Variants in ST8SIA5 observed in about 807,000 individuals in gnomAD.
ST8SIA5 encodes ST8 alpha-N-acetyl-neuraminide alpha-2,8-sialyltransferase 5.
In ST8SIA5, 24 loss-of-function variants were observed where a neutral mutation model predicts 40.2. The observed-to-expected ratio is 0.60, with a 90% CI of 0.43 to 0.84. ST8SIA5 has a LOEUF of 0.84. ST8SIA5 is among the 40% of genes least tolerant of loss of function. ST8SIA5 has a pLI of 0.00. For missense variants in ST8SIA5, 465 were observed against 498.5 expected (o/e 0.93, Z 0.64); for synonymous variants, 198 against 201.8 (o/e 0.98, Z 0.16).
Position 46,710,399 on chromosome 18 carries a change from C to CTGTCTT in ST8SIA5, c.132-5736_132-5735insAAGACA, listed in dbSNP as rs1314985981. The stretch of plus-strand genomic sequence containing the variant: ...TCTTTCTTTCTTTCTTTCTTTCTTT[C>CTGTCTT]TTTCTTTCTTTCTTTCTTTTTCTTT... On this transcript the variant is annotated intron_variant, in intron 1 of 6. Transcript: ENST00000315087. 1.4e-4 allele frequency among the ~76,000 whole-genome samples: 20 copies of CTGTCTT among 141,860 alleles called. No homozygotes were observed. In the East Asian group the frequency reaches 2.1e-3, roughly 15 times the overall value. The allele number at this position is 141,860 out of a possible 152,430, so 93.1% of individuals were successfully genotyped here.
In ST8SIA5 at chr18:46,680,025, A is replaced by G; in HGVS notation, c.*17T>C. The G allele has an allele frequency of 6.3e-7, 1 of 1,587,302 alleles. No individual in the cohort carries two copies. Among genetic ancestry groups the G allele is most frequent in the Non-Finnish European group, 8.6e-7 (1 of 1,165,038 alleles). The stretch of plus-strand genomic sequence containing the variant: ...GGAGAGGGGGCGCCGCTTGCCGGGC[A>G]GCCTGGCTGGCAGCCATCAGCAGCA... On this transcript the variant is annotated 3_prime_UTR_variant, in exon 7 of 7. Transcript: ENST00000315087.
chr18:46,709,211 G>C (rs1319253942), intron 1 of ST8SIA5, among the ~76,000 whole-genome samples: 1 of 152,208 alleles, frequency 6.6e-6, no homozygotes, highest in East Asian at 1.9e-4. Flanking sequence ...GAGGTAATTA[G>C]GTTATGAGGT....
At chr18:46,739,175 G>A (rs1360577316) in intron 1 of ST8SIA5, among the ~76,000 whole-genome samples, 1 of 152,208 alleles carries the variant, frequency 6.6e-6, no homozygotes, top group African/African-American at 2.4e-5. Context: ...CTGAAAGACA[G>A]CTGGGAGGGG....
rs578213997 is a variant in ST8SIA5 at position 46,721,822 on chromosome 18, G to A, written c.132-17158C>T. ...CTGCCTCCAGTTAAACCAAAAGAGC[G>A]CCAGCACCACATTTTGTCCTCCTCA... On this transcript the variant is annotated intron_variant, in intron 1 of 6. Transcript: ENST00000315087. Among the ~76,000 whole-genome samples, 7 of 152,260 alleles carry A rather than the reference G, an allele frequency of 4.6e-5. No homozygotes were observed. The East Asian group carries it at 7.7e-4, about 17-fold the overall frequency.
chr18:46,696,053 G>A (rs2039554145), intron 2 of ST8SIA5, among the ~76,000 whole-genome samples: 1 of 152,238 alleles, frequency 6.6e-6, no homozygotes. Context: ...GATCAGGGAA[G>A]GCTTTCCTGA....
intron 1 of ST8SIA5, among the ~76,000 whole-genome samples, chr18:46,711,851 C>A (rs2039736047): frequency 6.6e-6 from 1 of 152,226 alleles, no homozygotes; most frequent in African/African-American, 2.4e-5. Flanking sequence ...ACTTCACCTG[C>A]CCTCTTTGGG....
intron 1 of ST8SIA5, among the ~76,000 whole-genome samples, chr18:46,726,356 T>C (rs886997087): frequency 8.6e-5 from 13 of 151,992 alleles, no homozygotes; most frequent in Non-Finnish European, 1.5e-4. Context: ...GTTTCCAAAA[T>C]GCTCACCATA....
chr18:46,720,598 T>C (rs2039852144), intron 1 of ST8SIA5, among the ~76,000 whole-genome samples: 1 of 152,162 alleles, frequency 6.6e-6, no homozygotes, highest in Non-Finnish European at 1.5e-5. Flanking sequence ...CAAGCCTCTC[T>C]CTCAGGGAAA....
intron 2 of ST8SIA5, among the ~76,000 whole-genome samples, chr18:46,697,352 C>G (rs911710259): frequency 1.3e-5 from 2 of 151,956 alleles, no homozygotes; most frequent in Non-Finnish European, 2.9e-5. Context: ...AGGAACAAAA[C>G]AGAACTTAAA....
intron 1 of ST8SIA5, among the ~76,000 whole-genome samples, chr18:46,744,172 C>A (rs1382129325): frequency 1.3e-5 from 2 of 152,184 alleles, no homozygotes; most frequent in Non-Finnish European, 2.9e-5. Context: ...GGCAAAATAA[C>A]CACCTAACAT....
At chr18:46,724,526 T>G (rs190771246) in intron 1 of ST8SIA5, among the ~76,000 whole-genome samples, 25 of 152,382 alleles carry the variant, frequency 1.6e-4, no homozygotes, top group Admixed American at 6.5e-4. Context: ...ATTTATTTAT[T>G]GAAGTGGTTG....
chr18:46,718,573 G>C (rs2039818470), intron 1 of ST8SIA5, among the ~76,000 whole-genome samples: 1 of 151,994 alleles, frequency 6.6e-6, no homozygotes, highest in East Asian at 1.9e-4. Context: ...TTGTAGTGCT[G>C]TTTGGAGTTT....
Position 46,686,234 on chromosome 18 carries a change from C to T in ST8SIA5, c.509G>A (p.Gly170Glu). Residue 170 changes from glycine (G) to glutamate (E), a missense_variant, in exon 5 of 7, where the codon GGA (glycine) becomes GAA (glutamate). Transcript: ENST00000315087. The stretch of plus-strand genomic sequence containing the variant: ...GCAGCGGCTGTTCTTCAAGATGCCT[C>T]CGTTGCCCACTACAGCACACTTCTT... The part of the protein sequence containing the change: ...QFKKCAVVGN[G>E]GILKNSRCGR... 1 of 1,614,166 alleles carries T rather than the reference C, an allele frequency of 6.2e-7. No homozygotes were observed. Among genetic ancestry groups the T allele is most frequent in the Non-Finnish European group, 8.5e-7 (1 of 1,180,030 alleles).
chr18:46,698,071 A>G (rs889380624), intron 2 of ST8SIA5, among the ~76,000 whole-genome samples: 1 of 152,172 alleles, frequency 6.6e-6, no homozygotes, highest in Non-Finnish European at 1.5e-5. Flanking sequence ...CCACCACACC[A>G]ACAATCAAAC....
chr18:46,741,975 G>A (rs545631174), intron 1 of ST8SIA5, among the ~76,000 whole-genome samples: 1 of 151,982 alleles, frequency 6.6e-6, no homozygotes, highest in East Asian at 1.9e-4. Context: ...GGTGGCGCAT[G>A]CCTGTAATCC....
At chr18:46,693,368 T>G (rs2039526567) in intron 2 of ST8SIA5, among the ~76,000 whole-genome samples, 1 of 151,984 alleles carries the variant, frequency 6.6e-6, no homozygotes, top group Non-Finnish European at 1.5e-5. Context: ...TTCTCAAGGG[T>G]GGATCACAGT....
chr18:46,719,679 C>CTT (rs1327761497), intron 1 of ST8SIA5, among the ~76,000 whole-genome samples: 1 of 12,476 alleles, frequency 8.0e-5, no homozygotes, highest in African/African-American at 1.5e-4. Context: ...TCTTTCTTTT[C>CTT]TTTTTTCTTT....
intron 2 of ST8SIA5, among the ~76,000 whole-genome samples, chr18:46,701,462 G>A (rs1002378356): frequency 1.3e-5 from 2 of 152,058 alleles, no homozygotes; most frequent in Non-Finnish European, 2.9e-5. Flanking sequence ...AGGTAATAAA[G>A]TTAAAATGAG....
At chr18:46,753,813 G>A (rs539743990) in intron 1 of ST8SIA5, among the ~76,000 whole-genome samples, 3 of 152,230 alleles carry the variant, frequency 2.0e-5, no homozygotes, top group African/African-American at 7.2e-5. Context: ...ACATTGCCAC[G>A]GGGAATAGGG....
Sources: allele counts gnomAD v4.1 joint callset (sites outside exome capture counted in the v4.1 genomes callset), GRCh38; gene constraint gnomAD v4.1.1; transcripts MANE v1.5; gene names NCBI Gene and HGNC (gene_info 2026-07-23, HGNC 2026-07-21).